The following PCDH7 variants were observed in gnomAD, a reference collection of about 807,000 sequenced individuals.
PCDH7 encodes the protein protocadherin-7.
A neutral mutation model predicts 58.9 loss-of-function variants in PCDH7; 17 were observed. The observed-to-expected ratio is 0.29, with a 90% CI of 0.20 to 0.43. The LOEUF is 0.43. PCDH7 is among the 20% of genes least tolerant of loss of function. The pLI is 1.00. For synonymous variants in PCDH7, 664 were observed against 616.4 expected (o/e 1.08, Z -1.14); for missense variants, 1,274 against 1,441.0 (o/e 0.88, Z 1.88).
intron 3 of PCDH7, among the ~76,000 whole-genome samples, chr4:31,025,454 G>A (rs1284800624): frequency 6.6e-6 from 1 of 152,052 alleles, no homozygotes; most frequent in East Asian, 1.9e-4. Flanking sequence ...TTTTCTTGTT[G>A]TTCAGCTGAA....
At chr4:31,059,873 C>T (rs1235360126) in intron 3 of PCDH7, among the ~76,000 whole-genome samples, 1 of 151,606 alleles carries the variant, frequency 6.6e-6, no homozygotes, top group Non-Finnish European at 1.5e-5. Context: ...AAATATTAGG[C>T]TGAAAGTAAC....
intron 2 of PCDH7, among the ~76,000 whole-genome samples, chr4:30,937,035 G>A (rs1479658640): frequency 1.2e-5 from 1 of 85,216 alleles, no homozygotes; most frequent in East Asian, 4.3e-4. Context: ...TTAACTCAAT[G>A]GGAAGAGGCA....
chr4:30,968,339 AC>A (rs1749192950), intron 3 of PCDH7, among the ~76,000 whole-genome samples: 4 of 80,950 alleles, frequency 4.9e-5, no homozygotes, highest in South Asian at 4.2e-4. Flanking sequence ...ATATACACAC[AC>A]TATATATATA....
At chr4:31,015,728 A>G (rs1463241929) in intron 3 of PCDH7, among the ~76,000 whole-genome samples, 3 of 152,182 alleles carry the variant, frequency 2.0e-5, no homozygotes, top group Non-Finnish European at 4.4e-5. Context: ...ATAACTTTAT[A>G]TCATAAAGTC....
intron 3 of PCDH7, among the ~76,000 whole-genome samples, chr4:30,954,590 G>A (rs1321765857): frequency 6.6e-6 from 1 of 152,112 alleles, no homozygotes; most frequent in Non-Finnish European, 1.5e-5. Flanking sequence ...TATCACTGCT[G>A]TTGAAGGGGT....
At position 30,913,768 on chromosome 4, in the gene PCDH7, G is replaced by A. The variant is rs567201700; in HGVS notation, c.71-6385G>A. On this transcript the variant is annotated intron_variant, in intron 1 of 3. Transcript: ENST00000509759. ...TCTAATTCTTCTCTTTACCTAAGAA[G>A]GCAGTCTTTCTCTTGATCCCAGTTT... 3.3e-5 allele frequency among the ~76,000 whole-genome samples: 5 copies of A among 152,168 alleles called. No individual in the cohort carries two copies. In the East Asian group the frequency reaches 5.8e-4, roughly 18 times the overall value.
chr4:30,877,594 A>G (rs1468478996), intron 1 of PCDH7, among the ~76,000 whole-genome samples: 1 of 152,226 alleles, frequency 6.6e-6, no homozygotes, highest in African/African-American at 2.4e-5. Context: ...CTCTCTCTTC[A>G]TCATGCAGGC....
intron 1 of PCDH7, among the ~76,000 whole-genome samples, chr4:30,912,387 A>C (rs1741893026): frequency 6.6e-6 from 1 of 152,214 alleles, no homozygotes; most frequent in South Asian, 2.1e-4. Flanking sequence ...CCCCTCTTTA[A>C]AAATGAAATG....
intron 3 of PCDH7, among the ~76,000 whole-genome samples, chr4:31,016,033 T>C (rs140165858): frequency 1.0e-3 from 159 of 152,310 alleles, no homozygotes; most frequent in African/African-American, 3.8e-3. Flanking sequence ...ATGAGTTTAA[T>C]ATAATTCATT....
chr4:30,740,983 G>C (rs1716996287), intron 1 of PCDH7, among the ~76,000 whole-genome samples: 1 of 151,990 alleles, frequency 6.6e-6, no homozygotes, highest in Non-Finnish European at 1.5e-5. Flanking sequence ...CAATGGTGCA[G>C]TGATTTTTTT....
intron 3 of PCDH7, among the ~76,000 whole-genome samples, chr4:30,962,765 A>C (rs1262948090): frequency 7.5e-6 from 1 of 133,370 alleles, no homozygotes. Context: ...GGTCAGAATG[A>C]GACCCAGTCT....
At chr4:30,726,346 GTCTGGATAGCA>G (rs1182221205) in intron 1 of PCDH7, among the ~76,000 whole-genome samples, 1 of 152,016 alleles carries the variant, frequency 6.6e-6, no homozygotes, top group Non-Finnish European at 1.5e-5. Context: ...TCTGTCCTGT[GTCTGGATAGCA>G]TTTGCGTTCT....
At chr4:30,917,558 A>G (rs1204056471) in intron 1 of PCDH7, among the ~76,000 whole-genome samples, 2 of 151,976 alleles carry the variant, frequency 1.3e-5, no homozygotes, top group Non-Finnish European at 2.9e-5. Context: ...TTAAATGCAA[A>G]AAGCATTTTA....
chr4:30,819,503 G>A (rs944778133), intron 1 of PCDH7, among the ~76,000 whole-genome samples: 1 of 152,084 alleles, frequency 6.6e-6, no homozygotes, highest in African/African-American at 2.4e-5. Context: ...AACATTGTTG[G>A]GGGAAATTGA....
At chr4:31,123,123 G>A (rs1717888819) in intron 3 of PCDH7, among the ~76,000 whole-genome samples, 2 of 151,430 alleles carry the variant, frequency 1.3e-5, no homozygotes, top group African/African-American at 4.9e-5. Flanking sequence ...ACTTTTCTGG[G>A]GGTTTATTTA....
intron 1 of PCDH7, among the ~76,000 whole-genome samples, chr4:30,831,916 T>G (rs1361582317): frequency 6.6e-6 from 1 of 152,170 alleles, no homozygotes; most frequent in Admixed American, 6.5e-5. Flanking sequence ...ATGAATGATT[T>G]GTATTTAAGA....
chr4:31,117,406 G>A (rs772562937), intron 3 of PCDH7, among the ~76,000 whole-genome samples: 22 of 152,014 alleles, frequency 1.4e-4, no homozygotes, highest in Non-Finnish European at 3.1e-4. Context: ...TGAGTAACAC[G>A]TTCAAGACTC....
chr4:31,024,689 T>G (rs2109175213), intron 3 of PCDH7, among the ~76,000 whole-genome samples: 1 of 152,286 alleles, frequency 6.6e-6, no homozygotes, highest in Admixed American at 6.5e-5. Context: ...CAATGTGTGA[T>G]TTTACTTATA....
At position 30,898,113 on chromosome 4, in the gene PCDH7, T is replaced by C. The variant is rs551509700; in HGVS notation, c.71-22040T>C. On this transcript the variant is annotated intron_variant, in intron 1 of 3. Coordinates refer to the PCDH7 transcript ENST00000509759. ...AAAGTAGAGTTCAGTCAAATTGGTT[T>C]AACATGTTTCTATTTTCTATCCATA... Among the ~76,000 whole-genome samples the C allele has an allele frequency of 6.0e-4, 92 of 152,332 alleles. 2 individuals carry two copies. In the South Asian group the frequency reaches 0.018, roughly 30 times the overall value.
Sources: allele counts gnomAD v4.1 joint callset (sites outside exome capture counted in the v4.1 genomes callset), GRCh38; gene constraint gnomAD v4.1.1; transcripts MANE v1.5; gene names NCBI Gene and HGNC (gene_info 2026-07-23, HGNC 2026-07-21).